Variants in FAM186B observed in about 807,000 individuals in gnomAD.
The protein encoded by FAM186B is family with sequence similarity 186 member B.
Under a neutral mutation model 83.4 loss-of-function variants are expected in FAM186B, and 68 were observed. The observed-to-expected ratio is 0.81, with a 90% CI of 0.67 to 1.00. The LOEUF (loss-of-function observed/expected upper bound fraction) is 1.00. Among genes scored for constraint, FAM186B ranks in the 50% least tolerant of loss-of-function variants. The pLI, the probability that FAM186B is intolerant of heterozygous loss-of-function variation, is 0.00. For missense variants in FAM186B, 983 were observed against 1,099.2 expected (o/e 0.89, Z 1.49); for synonymous variants, 389 against 422.0 (o/e 0.92, Z 0.96).
chr12:49,593,642 A>AAAAAAG (rs1233745298), intron 5 of FAM186B, among the ~76,000 whole-genome samples: 7 of 151,228 alleles, frequency 4.6e-5, no homozygotes, highest in African/African-American at 1.7e-4. Context: ...CAAAAAAAAA[A>AAAAAAG]AAAAGAAAAG....
At chr12:49,588,027 G>A (rs1033237085) in intron 6 of FAM186B, among the ~76,000 whole-genome samples, 1 of 152,224 alleles carries the variant, frequency 6.6e-6, no homozygotes, top group African/African-American at 2.4e-5. Context: ...GGCCATGCAA[G>A]GGTAGGTGTG....
At chr12:49,597,740 T>G (rs1472867089) in intron 5 of FAM186B, among the ~76,000 whole-genome samples, 2 of 152,296 alleles carry the variant, frequency 1.3e-5, no homozygotes, top group East Asian at 3.9e-4. Context: ...ATATATACAA[T>G]AAAACATTTT....
At chr12:49,603,454 C>A in intron 2 of FAM186B, 87 bp from the exon 3 acceptor site, 1 of 1,347,116 alleles carries the variant, frequency 7.4e-7, no homozygotes, top group Admixed American at 2.1e-5. Flanking sequence ...GTTCCAGCAG[C>A]TGTGAAGTCA....
At chr12:49,616,706 A>G in the FAM186B span, among the ~76,000 whole-genome samples, 1 of 152,250 alleles carries the variant, frequency 6.6e-6, no homozygotes, top group Admixed American at 6.5e-5. Flanking sequence ...AGATGCCAGA[A>G]GCCAGGTCAG....
At position 49,605,152 on chromosome 12, in the gene FAM186B, C is replaced by G. The variant is rs375311242; in HGVS notation, c.96+230G>C. ...AGGGCTATCCTCGAGCTTCCTGCCC[C>G]CTTCCCGGGCCCCAGCCCTGCCTCA... is the stretch of plus-strand genomic sequence containing the variant. On this transcript the variant is annotated intron_variant, in intron 1 of 6. Transcript: ENST00000257894. The G allele has an allele frequency of 8.1e-6, 11 of 1,360,868 alleles. No homozygotes were observed. In the East Asian group the frequency reaches 1.8e-4, roughly 23 times the overall value. 84.3% of individuals were successfully genotyped at this position (1,360,868 alleles called of 1,614,324 possible).
At chr12:49,606,309 CA>C (rs1940019112), upstream of FAM186B, among the ~76,000 whole-genome samples, 1 of 150,986 alleles carries the variant, frequency 6.6e-6, no homozygotes, top group African/African-American at 2.4e-5. Flanking sequence ...GCCTGGGCAA[CA>C]TGGTGAGAGC....
upstream of FAM186B, chr12:49,605,743 G>T: frequency 1.1e-5 from 3 of 279,542 alleles, no homozygotes; most frequent in African/African-American, 2.3e-5. Context: ...ATATTTACTT[G>T]ACTTGTTGCC....
chr12:49,616,775 G>A, the FAM186B span, among the ~76,000 whole-genome samples: 1 of 152,202 alleles, frequency 6.6e-6, no homozygotes, highest in Admixed American at 6.5e-5. Flanking sequence ...AAATGATGAT[G>A]GTGATGGTCA....
rs1445358142 is a variant in FAM186B, at chr12:49,603,145, T to C, written c.505+40A>G. The C allele has an allele frequency of 3.7e-6, 6 of 1,609,370 alleles. No homozygotes were observed. The East Asian group carries it at 1.3e-4, about 36-fold the overall frequency. On this transcript the variant is annotated intron_variant, in intron 3 of 6. Transcript: ENST00000257894. ...CTTCCCCTGCCATGGCTCCACCCCG[T>C]CCCCACCTAGCTCCCTGGCCAGGTG...
upstream of FAM186B, among the ~76,000 whole-genome samples, chr12:49,608,789 A>G (rs1176538527): frequency 1.3e-5 from 2 of 151,396 alleles, no homozygotes; most frequent in Non-Finnish European, 2.9e-5. Context: ...GCACTTTGGG[A>G]AAGTGCCCTT....
the FAM186B span, among the ~76,000 whole-genome samples, chr12:49,620,348 T>C: frequency 1.3e-5 from 2 of 152,210 alleles, no homozygotes; most frequent in African/African-American, 4.8e-5. Flanking sequence ...TCTTGTGGAC[T>C]GGCTGGCTCT....
Position 49,600,183 on chromosome 12 carries a change from C to T in FAM186B, c.1457G>A (p.Arg486Gln), listed in dbSNP as rs200290691. 109 of 1,613,328 alleles carry T rather than the reference C, an allele frequency of 6.8e-5. No homozygotes were observed. The South Asian group carries it at 9.3e-4, about 14-fold the overall frequency. ...QEEPWEEEFG[R>Q]EMRRQLWLEE... ...CAGCCACAGCTGCCTCCGCATCTCC[C>T]GGCCGAATTCCTCCTCCCAGGGCTC... The change falls in exon 4 of 7, where the codon CGG (arginine) becomes CAG (glutamine). Residue 486 changes from arginine to glutamine, a missense_variant. Arg to Gln is a conservative substitution (Grantham distance 43). Coordinates refer to ENST00000257894, the MANE Select transcript of FAM186B (RefSeq NM_032130.3). The surrounding 1 kb of genome is among the most constrained non-coding windows in gnomAD (Gnocchi z 4.3).
chr12:49,583,431 A>G, downstream of FAM186B: 1 of 212,326 alleles, frequency 4.7e-6, no homozygotes, highest in Admixed American at 5.2e-5. Context: ...GATGTTAAGT[A>G]TCATTGGGGT....
the FAM186B span, among the ~76,000 whole-genome samples, chr12:49,617,816 G>A: frequency 6.6e-6 from 1 of 152,158 alleles, no homozygotes; most frequent in Non-Finnish European, 1.5e-5. Flanking sequence ...AATCCATAAG[G>A]ACAGGGAAAC....
intron 5 of FAM186B, chr12:49,595,783 A>T (rs553177394): frequency 4.4e-6 from 1 of 226,988 alleles, no homozygotes; most frequent in Non-Finnish European, 8.9e-6. Flanking sequence ...GGAGATGGAG[A>T]CCATCCTGGC....
chr12:49,619,454 G>C, the FAM186B span: 7 of 600,842 alleles, frequency 1.2e-5, no homozygotes, highest in Non-Finnish European at 2.1e-5. Context: ...AGCAATTGTT[G>C]CATATGTATT....
upstream of FAM186B, among the ~76,000 whole-genome samples, chr12:49,610,047 T>C (rs1195816601): frequency 1.3e-5 from 2 of 150,762 alleles, no homozygotes; most frequent in South Asian, 2.1e-4. Flanking sequence ...AATCTGCTGA[T>C]AGTATACAAG....
chr12:49,596,516 A>G (rs1939730913), intron 5 of FAM186B, among the ~76,000 whole-genome samples: 2 of 152,126 alleles, frequency 1.3e-5, no homozygotes, highest in Non-Finnish European at 2.9e-5. Flanking sequence ...ATGGCCAACA[A>G]GTATATGAAA....
At position 49,605,458 on chromosome 12, in the gene FAM186B, G is replaced by T. The variant is rs377032725; in HGVS notation, c.20C>A (p.Pro7Gln). The change falls in exon 1 of 7, where the codon CCA (proline) becomes CAA (glutamine). Residue 7 changes from proline (P) to glutamine (Q), a missense_variant. Transcript: ENST00000257894. MEKDDP[P>Q]QLVTPTSVKA... ...CACTGATGTGGGAGTCACCAACTGT[G>T]GGGGGTCATCCTTCTCCATTTTGGA... The T allele has an allele frequency of 2.5e-5, 40 of 1,613,412 alleles. No individual in the cohort carries two copies. The highest frequency in any genetic ancestry group is 3.2e-5 in the Non-Finnish European group (38 of 1,179,776).
Sources: gnomAD v4.1 joint callset for allele counts (sites outside exome capture counted in the v4.1 genomes callset) on GRCh38, gnomAD v4.1.1 for gene constraint, Gnocchi (gnomAD v3.1) non-coding constraint, MANE v1.5 for transcripts, NCBI Gene and HGNC (gene_info 2026-07-23, HGNC 2026-07-21) for gene names.